SERPINI2: variants seen among roughly 807,000 people sequenced by gnomAD.
The protein encoded by SERPINI2 is serpin family I member 2.
SERPINI2 carries 48 observed loss-of-function variants against 47.3 expected under a neutral mutation model. The observed-to-expected ratio is 1.02, with a 90% CI of 0.81 to 1.29. SERPINI2 has a LOEUF of 1.29. SERPINI2 is among the 50% of genes most tolerant of loss of function. SERPINI2 has a pLI of 0.00. For synonymous variants in SERPINI2, 135 were observed against 149.3 expected, an observed-to-expected ratio of 0.90 and a Z score of 0.70; for missense variants, 448 against 456.9, an observed-to-expected ratio of 0.98 and a Z score of 0.18.
chr3:167,463,010 GA>G (rs1460520715), intron 5 of SERPINI2, among the ~76,000 whole-genome samples: 1 of 152,026 alleles, frequency 6.6e-6, no homozygotes, highest in African/African-American at 2.4e-5. Flanking sequence ...TATTTAGACT[GA>G]AAAATCTAGC....
rs968743479 is a variant in SERPINI2 at position 167,467,354 on chromosome 3, A to C, written c.248-69T>G. The C allele has an allele frequency of 2.8e-6, 3 of 1,089,212 alleles. No homozygotes were observed. The Middle Eastern group carries it at 8.2e-4, about 296-fold the overall frequency. 67.5% of individuals were successfully genotyped at this position (1,089,212 alleles called of 1,614,324 possible). ...AAAACAACAGCTTTTCAGCTTTGCT[A>C]TCTAAGTACTCTGATTCATATCACC... is the stretch of plus-strand genomic sequence containing the variant. On this transcript the variant is annotated intron_variant, in intron 2 of 8. Coordinates refer to ENST00000264677, the Ensembl canonical transcript of SERPINI2.
intron 1 of SERPINI2, chr3:167,473,746 T>C: frequency 6.7e-7 from 1 of 1,483,090 alleles, no homozygotes; most frequent in South Asian, 1.3e-5. Context: ...CCTCATCAGG[T>C]TTTGGATCAT....
chr3:167,459,922 G>A (rs181151150), intron 5 of SERPINI2, among the ~76,000 whole-genome samples: 5 of 152,190 alleles, frequency 3.3e-5, no homozygotes, highest in Admixed American at 1.3e-4. Flanking sequence ...AAGACAGATG[G>A]CTACATGACA....
chr3:167,468,841 G>C (rs372289641), intron 2 of SERPINI2, among the ~76,000 whole-genome samples: 11 of 151,956 alleles, frequency 7.2e-5, no homozygotes, highest in African/African-American at 2.7e-4. Flanking sequence ...TTTTCCAAAA[G>C]AATTAATTAA....
chr3:167,476,182 T>C, upstream of SERPINI2, among the ~76,000 whole-genome samples: 1 of 151,838 alleles, frequency 6.6e-6, no homozygotes, highest in East Asian at 1.9e-4. Flanking sequence ...AAATGGATCA[T>C]AAGTAATTGA....
At chr3:167,464,196 T>C (rs1238493003) in intron 5 of SERPINI2, among the ~76,000 whole-genome samples, 3 of 151,828 alleles carry the variant, frequency 2.0e-5, no homozygotes, top group African/African-American at 7.3e-5. Flanking sequence ...GTGTTTTTAG[T>C]AAAGACAGAA....
chr3:167,442,125 T>A (rs1011845526), exon 9 of SERPINI2: 1 of 1,604,812 alleles, frequency 6.2e-7, no homozygotes, highest in Non-Finnish European at 8.5e-7. Flanking sequence ...TGAATCTAAA[T>A]CTCTTCCTTT....
intron 7 of SERPINI2, among the ~76,000 whole-genome samples, chr3:167,448,731 C>A (rs907417627): frequency 2.6e-5 from 4 of 152,040 alleles, no homozygotes; most frequent in African/African-American, 9.7e-5. Context: ...ACCGTGTTAT[C>A]CAGGATGGTC....
At chr3:167,447,415 T>C (rs1259111238) in intron 7 of SERPINI2, among the ~76,000 whole-genome samples, 2 of 152,186 alleles carry the variant, frequency 1.3e-5, no homozygotes, top group Admixed American at 1.3e-4. Context: ...ACTTGGACTT[T>C]TTTTGCTTTT....
At chr3:167,442,122 A>G in exon 9 of SERPINI2, 4 of 1,604,192 alleles carry the variant, frequency 2.5e-6, no homozygotes, top group Non-Finnish European at 3.4e-6. Context: ...CAGTGAATCT[A>G]AATCTCTTCC....
intron 5 of SERPINI2, among the ~76,000 whole-genome samples, chr3:167,461,265 C>T (rs1000039759): frequency 3.3e-5 from 5 of 152,092 alleles, no homozygotes; most frequent in African/African-American, 1.2e-4. Context: ...ATAAAGCCGT[C>T]ATTTATTTAG....
At chr3:167,446,898 C>T (rs1749495452) in intron 7 of SERPINI2, 1 of 152,238 alleles carries the variant, frequency 6.6e-6, no homozygotes, top group African/African-American at 2.4e-5. Flanking sequence ...CACATCTGAG[C>T]TCAAATTAAT....
chr3:167,473,867 T>C (rs1208296828), intron 1 of SERPINI2, 136 bp downstream of exon 1: 1 of 1,209,612 alleles, frequency 8.3e-7, no homozygotes, highest in African/African-American at 1.6e-5. Context: ...ATAAAAGCGA[T>C]ATGTTAATTA....
chr3:167,452,984 T>G, exon 6 of SERPINI2: 2 of 1,608,016 alleles, frequency 1.2e-6, no homozygotes, highest in Non-Finnish European at 1.7e-6. Flanking sequence ...TCGGTTATGT[T>G]CAAAGAATAC....
intron 2 of SERPINI2, 90 bp downstream of exon 2, chr3:167,471,498 T>C (rs2108174503): frequency 1.5e-6 from 2 of 1,290,898 alleles, no homozygotes; most frequent in South Asian, 2.0e-5. Flanking sequence ...TTTTCACTTA[T>C]TAAAATTTCT....
At chr3:167,459,220 G>A (rs977792835) in intron 5 of SERPINI2, among the ~76,000 whole-genome samples, 9 of 150,732 alleles carry the variant, frequency 6.0e-5, no homozygotes, top group African/African-American at 9.7e-5. Context: ...GACTACAGGC[G>A]CCCGCCACTA....
At chr3:167,457,570 C>A (rs1472591918) in intron 5 of SERPINI2, among the ~76,000 whole-genome samples, 1 of 152,142 alleles carries the variant, frequency 6.6e-6, no homozygotes, top group Admixed American at 6.5e-5. Context: ...ATCTTTTAGG[C>A]TTTAGTCTTT....
chr3:167,473,516 T>C (rs1750396914), intron 1 of SERPINI2, among the ~76,000 whole-genome samples: 3 of 151,780 alleles, frequency 2.0e-5, no homozygotes, highest in Middle Eastern at 3.5e-3. Flanking sequence ...TATAGCTTTA[T>C]GTATTTGGTT....
chr3:167,448,404 C>T (rs1749540313), intron 7 of SERPINI2, among the ~76,000 whole-genome samples: 1 of 152,206 alleles, frequency 6.6e-6, no homozygotes, highest in Non-Finnish European at 1.5e-5. Flanking sequence ...ACTGGTTCTT[C>T]CATGCACATT....
Sources: allele counts gnomAD v4.1 joint callset (sites outside exome capture counted in the v4.1 genomes callset), GRCh38; gene constraint gnomAD v4.1.1; transcripts MANE v1.5; gene names NCBI Gene and HGNC (gene_info 2026-07-23, HGNC 2026-07-21).